Variants in CRMP1 observed in about 807,000 individuals in gnomAD.
CRMP1 encodes collapsin response mediator protein 1.
CRMP1 carries 19 observed loss-of-function variants against 68.3 expected under a neutral mutation model. That is an observed-to-expected ratio of 0.28 (90% CI 0.19 to 0.41). The LOEUF is 0.41. Among genes scored for constraint, CRMP1 ranks in the 10% least tolerant of loss-of-function variants. The pLI, the probability that CRMP1 is intolerant of heterozygous loss-of-function variation, is 1.00. For synonymous variants in CRMP1, 439 were observed against 399.6 expected, an observed-to-expected ratio of 1.10 and a Z score of -1.18; for missense variants, 791 against 967.4, an observed-to-expected ratio of 0.82 and a Z score of 2.42.
chr4:5,859,616 T>C lies in CRMP1; in HGVS notation c.655+1410A>G, dbSNP rs1174716280. Among the ~76,000 whole-genome samples the C allele has an allele frequency of 6.6e-6, 1 of 152,226 alleles. No homozygotes were observed. Among genetic ancestry groups the C allele is most frequent in the Admixed American group, 6.5e-5 (1 of 15,284 alleles). Reference sequence around the variant, plus strand: ...CTGAGTGCTGGCCACAGTCATGCAGTTGCCTGCTGAGTGCCAGTGCTCAGG... The same window carrying C: ...CTGAGTGCTGGCCACAGTCATGCAGCTGCCTGCTGAGTGCCAGTGCTCAGG... On this transcript the variant is annotated intron_variant, in intron 3 of 13. Coordinates refer to ENST00000324989, the MANE Select transcript of CRMP1 (RefSeq NM_001014809.3). The surrounding 1 kb of genome is among the most constrained non-coding windows in gnomAD (Gnocchi z 5.2).
intron 12 of CRMP1, among the ~76,000 whole-genome samples, chr4:5,827,716 TACAC>T (rs932996275): frequency 2.1e-5 from 3 of 141,060 alleles, no homozygotes; most frequent in Non-Finnish European, 3.1e-5. Flanking sequence ...CGCATAGACA[TACAC>T]ACATGTGCGC....
chr4:5,868,831 A>G (rs113990737), intron 1 of CRMP1, among the ~76,000 whole-genome samples: 342 of 152,240 alleles, frequency 2.2e-3, no homozygotes, highest in African/African-American at 7.8e-3. Flanking sequence ...AACAACATAA[A>G]CCTTATTTAC....
rs78685123 is a variant in CRMP1, at chr4:5,841,468, G to C, written c.1033-40C>G. On this transcript the variant is annotated intron_variant, in intron 7 of 13. Coordinates refer to ENST00000324989, the MANE Select transcript of CRMP1 (RefSeq NM_001014809.3). This position sits in a 1 kb window ranked among gnomAD's most constrained non-coding sequence, Gnocchi z 6.9. ...CACAGTGTCACAGGAGGGAAGGCTG[G>C]TGTAACAGCTACCACCCATCTCCAT... The C allele has an allele frequency of 1.4e-3, 2,333 of 1,610,408 alleles. 24 individuals carry two copies. The African/African-American group carries it at 0.025, about 17-fold the overall frequency.
intron 2 of CRMP1, among the ~76,000 whole-genome samples, chr4:5,864,697 G>C (rs1266494254): frequency 6.6e-6 from 1 of 152,172 alleles, no homozygotes; most frequent in East Asian, 1.9e-4. Context: ...GGTCAAGGAA[G>C]GCTTCCTGGA....
At chr4:5,823,480 C>T (rs1719024829) in intron 13 of CRMP1, among the ~76,000 whole-genome samples, 1 of 152,168 alleles carries the variant, frequency 6.6e-6, no homozygotes, top group Admixed American at 6.5e-5. Context: ...CTTTTGTCCC[C>T]CAAAACTTCG....
rs148593249 is a variant in CRMP1, at chr4:5,883,655, G to GACACACACACACAC, written c.381+8920_381+8933dup. ...AGATGGCAAGATAATTAAGGTCAGG[G>GACACACACACACAC]ACACACACACACACACACACACACA... On this transcript the variant is annotated intron_variant, in intron 1 of 13. Transcript: ENST00000324989. This position sits in a 1 kb window ranked among gnomAD's most constrained non-coding sequence, Gnocchi z 4.5. Among the ~76,000 whole-genome samples the GACACACACACACAC allele has an allele frequency of 6.1e-3, 914 of 149,676 alleles. 7 individuals are homozygous for GACACACACACACAC. Among genetic ancestry groups the GACACACACACACAC allele is most frequent in the Middle Eastern group, 0.017 (5 of 288 alleles).
intron 1 of CRMP1, among the ~76,000 whole-genome samples, chr4:5,873,585 G>C (rs535294029): frequency 6.6e-6 from 1 of 151,976 alleles, no homozygotes; most frequent in African/African-American, 2.4e-5. Flanking sequence ...TAAATAACCA[G>C]ATCTCCTCAG....
At position 5,823,885 on chromosome 4, in the gene CRMP1, G is replaced by A. The variant is rs1009438834; in HGVS notation, c.1969+1609C>T. On this transcript the variant is annotated intron_variant, in intron 13 of 13. Transcript: ENST00000324989. ...CTAACTCATGGTACAGCTCTATAAC[G>A]TAACATACGCAGATATTAAAAAGGG... is the stretch of plus-strand genomic sequence containing the variant. Among the ~76,000 whole-genome samples the A allele has an allele frequency of 2.6e-5, 4 of 152,178 alleles. No individual in the cohort carries two copies. In the East Asian group the frequency reaches 5.8e-4, roughly 22 times the overall value.
chr4:5,877,903 G>A lies in CRMP1; in HGVS notation c.382-11147C>T, dbSNP rs556230022. ...CCCTAAGAGTGGGCAGGGCCTGCAC[G>A]CTGCATAGGGAAAGACGATGCTAGC... On this transcript the variant is annotated intron_variant, in intron 1 of 13. Transcript: ENST00000324989. The surrounding 1 kb of genome is among the most constrained non-coding windows in gnomAD (Gnocchi z 4.3). 1.6e-4 allele frequency among the ~76,000 whole-genome samples: 24 copies of A among 152,322 alleles called. No homozygotes were observed. The South Asian group carries it at 4.8e-3, about 30-fold the overall frequency.
At chr4:5,868,365 G>A (rs188965500) in intron 1 of CRMP1, among the ~76,000 whole-genome samples, 10 of 147,774 alleles carry the variant, frequency 6.8e-5, no homozygotes, top group Admixed American at 6.1e-4. Context: ...GCAGTGGCAC[G>A]ATTTCAGCTT....
Position 5,879,802 on chromosome 4 carries a change from T to G in CRMP1, c.381+12787A>C, listed in dbSNP as rs1187094158. The stretch of plus-strand genomic sequence containing the variant: ...ACTCGTTTAAGAGGTTCCCAGTAAT[T>G]AAAGTTTTATTTGGATTCCTTTTTA... On this transcript the variant is annotated intron_variant, in intron 1 of 13. Coordinates refer to ENST00000324989, the MANE Select transcript of CRMP1 (RefSeq NM_001014809.3). The surrounding 1 kb of genome is among the most constrained non-coding windows in gnomAD (Gnocchi z 4.2). 6.6e-6 allele frequency among the ~76,000 whole-genome samples: 1 copy of G among 151,736 alleles called. No individual in the cohort carries two copies. The highest frequency in any genetic ancestry group is 2.4e-5 in the African/African-American group (1 of 41,214).
rs1407787883 is a variant in CRMP1, at chr4:5,877,648, T to TC, written c.382-10893dup. Among the ~76,000 whole-genome samples the TC allele has an allele frequency of 6.6e-6, 1 of 152,138 alleles. No homozygotes were observed. The highest frequency in any genetic ancestry group is 2.4e-5 in the African/African-American group (1 of 41,414). ...CTGAATCTAATTAACACACATTCGT[T>TC]CCCCCTCTCACGGGTAGGGGACAGG... On this transcript the variant is annotated intron_variant, in intron 1 of 13. Coordinates refer to ENST00000324989, the MANE Select transcript of CRMP1 (RefSeq NM_001014809.3). This position sits in a 1 kb window ranked among gnomAD's most constrained non-coding sequence, Gnocchi z 4.3.
Position 5,839,554 on chromosome 4 carries a change from G to A in CRMP1, c.1278C>T (p.Thr426=). 2 of 1,611,642 alleles carry A rather than the reference G, an allele frequency of 1.2e-6. No homozygotes were observed. Among genetic ancestry groups the A allele is most frequent in the Non-Finnish European group, 1.7e-6 (2 of 1,178,990 alleles). Residue 426 remains threonine (T), a synonymous_variant, in exon 9 of 14, where the codon ACC becomes ACT. Transcript: ENST00000324989. Reference sequence around the variant, plus strand: ...GTAGGGAGGTCAAGTAGTCGGGCGTGGTAGGGTCCGGGCTCAGGGGAGGGG... The same window carrying A: ...GTAGGGAGGTCAAGTAGTCGGGCGTAGTAGGGTCCGGGCTCAGGGGAGGGG... ...VTSPPLSPDP[T]TPDYLTSLLA...
At chr4:5,824,963 G>T in intron 13 of CRMP1, 16 of 985,404 alleles carry the variant, frequency 1.6e-5, no homozygotes, top group Non-Finnish European at 1.8e-5. Context: ...CCAAGTCCTG[G>T]TATTTTGACA....
Position 5,883,426 on chromosome 4 carries a change from G to A in CRMP1, c.381+9163C>T, listed in dbSNP as rs1444724669. On this transcript the variant is annotated intron_variant, in intron 1 of 13. Transcript: ENST00000324989. The surrounding 1 kb of genome is among the most constrained non-coding windows in gnomAD (Gnocchi z 4.5). ...GCAATTTCTCCTGCCTCAGCCTCCCGAATAGCTGGGATTACAGGTGCCCGC... is the reference window on the plus strand; with the variant it reads ...GCAATTTCTCCTGCCTCAGCCTCCCAAATAGCTGGGATTACAGGTGCCCGC... Among the ~76,000 whole-genome samples, 8 of 151,782 alleles carry A rather than the reference G, an allele frequency of 5.3e-5. No individual in the cohort carries two copies. Among genetic ancestry groups the A allele is most frequent in the African/African-American group, 1.5e-4 (6 of 41,288 alleles).
In CRMP1 at chr4:5,861,001, T is replaced by G. The variant is rs1266044022; in HGVS notation, c.655+25A>C. The G allele has an allele frequency of 1.9e-6, 3 of 1,609,794 alleles. No homozygotes were observed. The highest frequency in any genetic ancestry group is 2.5e-6 in the Non-Finnish European group (3 of 1,177,734). Reference sequence around the variant, plus strand: ...GAGGAGACCTCACAGTCTATGTCCCTAAGGCAGGGGACAGTGTCACTCACT... The same window carrying G: ...GAGGAGACCTCACAGTCTATGTCCCGAAGGCAGGGGACAGTGTCACTCACT... On this transcript the variant is annotated intron_variant, in intron 3 of 13. Coordinates refer to ENST00000324989, the MANE Select transcript of CRMP1 (RefSeq NM_001014809.3). This position sits in a 1 kb window ranked among gnomAD's most constrained non-coding sequence, Gnocchi z 6.0.
At chr4:5,839,708 A>C (rs1372212416) in intron 8 of CRMP1, 30 bp from the exon 9 acceptor site, 1 of 1,591,282 alleles carries the variant, frequency 6.3e-7, no homozygotes, top group Non-Finnish European at 8.6e-7. Flanking sequence ...AGCCTGGTTA[A>C]AAGCAAATAC....
chr4:5,835,252 G>T (rs577474245), intron 11 of CRMP1, among the ~76,000 whole-genome samples: 1 of 152,248 alleles, frequency 6.6e-6, no homozygotes, highest in Non-Finnish European at 1.5e-5. Context: ...TGTGCGTGTA[G>T]TTGTTAATCC....
intron 1 of CRMP1, among the ~76,000 whole-genome samples, chr4:5,867,423 T>C (rs529514089): frequency 3.9e-5 from 6 of 152,280 alleles, no homozygotes; most frequent in Non-Finnish European, 8.8e-5. Context: ...TATTATTAAA[T>C]ATGATAATGA....
Sources: allele counts gnomAD v4.1 joint callset (sites outside exome capture counted in the v4.1 genomes callset), GRCh38; gene constraint gnomAD v4.1.1; non-coding constraint Gnocchi (gnomAD v3.1); transcripts MANE v1.5; gene names NCBI Gene and HGNC (gene_info 2026-07-23, HGNC 2026-07-21).